The following ZC2HC1B variants were observed in gnomAD, a reference collection of about 807,000 sequenced individuals.
ZC2HC1B encodes the protein zinc finger C2HC-type containing 1B.
Under a neutral mutation model 31.0 loss-of-function variants are expected in ZC2HC1B, and 36 were observed. The observed-to-expected ratio is 1.16, with a 90% CI of 0.89 to 1.54. The LOEUF is 1.54. Ranked by LOEUF, ZC2HC1B falls within the 40% of genes most tolerant of loss-of-function variation. The pLI is 0.00. For missense variants in ZC2HC1B, 260 were observed against 268.6 expected (o/e 0.97, Z 0.22); for synonymous variants, 73 against 88.0 (o/e 0.83, Z 0.95).
At chr6:143,877,675 G>T in intron 1 of ZC2HC1B, among the ~76,000 whole-genome samples, 2 of 149,136 alleles carry the variant, frequency 1.3e-5, no homozygotes, top group East Asian at 1.9e-4. Flanking sequence ...TCAGATCTTT[G>T]GAAATTCCTG....
At position 143,922,148 on chromosome 6, in the gene ZC2HC1B, G is replaced by A. The variant is rs74353552; in HGVS notation, c.599-15501G>A. Among the ~76,000 whole-genome samples, 8,640 of 152,058 alleles carry A rather than the reference G, an allele frequency of 0.057. 336 individuals are homozygous for A. The highest frequency in any genetic ancestry group is 0.088 in the Non-Finnish European group (5,953 of 67,942). On this transcript the variant is annotated intron_variant, in intron 6 of 7. Coordinates refer to ENST00000237275, the MANE Select transcript of ZC2HC1B (RefSeq NM_001013623.3). The surrounding 1 kb of genome is among the most constrained non-coding windows in gnomAD (Gnocchi z 5.0). ...AATCTCACTTAGTGAGATTTCCTTC[G>A]TTCTGTTCTGATACTAGTCTACTTG...
intron 1 of ZC2HC1B, among the ~76,000 whole-genome samples, chr6:143,874,158 G>A (rs1777379511): frequency 6.6e-6 from 1 of 152,092 alleles, no homozygotes; most frequent in Non-Finnish European, 1.5e-5. Flanking sequence ...CTAGGGCGGG[G>A]CGAAATGCCA....
At chr6:143,878,908 A>G (rs1326731194) in intron 1 of ZC2HC1B, among the ~76,000 whole-genome samples, 1 of 152,164 alleles carries the variant, frequency 6.6e-6, no homozygotes, top group Non-Finnish European at 1.5e-5. Context: ...GACATGCCTT[A>G]TATTGACTAA....
intron 4 of ZC2HC1B, among the ~76,000 whole-genome samples, chr6:143,897,268 G>A (rs1421405397): frequency 6.6e-6 from 1 of 150,724 alleles, no homozygotes; most frequent in East Asian, 1.9e-4. Flanking sequence ...CACCCTTCCT[G>A]GGGTCGGGGC....
Position 143,922,810 on chromosome 6 carries a change from A to G in ZC2HC1B, c.599-14839A>G, listed in dbSNP as rs1295916269. ...GCTATTGTGAATAGTCCTGCCATAA[A>G]CAAGAGGATATGGGTATCCCTTTGA... On this transcript the variant is annotated intron_variant, in intron 6 of 7. Coordinates refer to ENST00000237275, the MANE Select transcript of ZC2HC1B (RefSeq NM_001013623.3). This position sits in a 1 kb window ranked among gnomAD's most constrained non-coding sequence, Gnocchi z 5.0. 6.6e-6 allele frequency among the ~76,000 whole-genome samples: 1 copy of G among 152,160 alleles called. No individual in the cohort carries two copies. Among genetic ancestry groups the G allele is most frequent in the Non-Finnish European group, 1.5e-5 (1 of 68,020 alleles).
chr6:143,901,304 G>A (rs1161592127), intron 5 of ZC2HC1B, among the ~76,000 whole-genome samples: 1 of 119,458 alleles, frequency 8.4e-6, no homozygotes, highest in Non-Finnish European at 1.6e-5. Context: ...CTGTTGCCCA[G>A]GCTGGAGTGC....
rs1392331139 is a variant in ZC2HC1B, at chr6:143,882,237, A to G, written c.29-2067A>G. 4.0e-5 allele frequency among the ~76,000 whole-genome samples: 6 copies of G among 150,626 alleles called. No individual in the cohort carries two copies. In the East Asian group the frequency reaches 9.8e-4, roughly 24 times the overall value. The stretch of plus-strand genomic sequence containing the variant: ...TCATAAAAATAGATTATCCTTCACT[A>G]GTGTTTTAGAAAGAGCAGCAGTAGT... On this transcript the variant is annotated intron_variant, in intron 1 of 7. Transcript: ENST00000237275.
At chr6:143,937,584 C>A in intron 6 of ZC2HC1B, 65 bp from the exon 7 acceptor site, 2 of 1,330,746 alleles carry the variant, frequency 1.5e-6, no homozygotes, top group Non-Finnish European at 2.0e-6. Flanking sequence ...ATTTCACAAT[C>A]ATGTCTTTTT....
intron 6 of ZC2HC1B, among the ~76,000 whole-genome samples, chr6:143,928,268 C>G (rs1053085762): frequency 1.3e-5 from 2 of 152,106 alleles, no homozygotes; most frequent in African/African-American, 4.8e-5. Flanking sequence ...ACATTTCAGT[C>G]TTTAACTCAT....
intron 6 of ZC2HC1B, among the ~76,000 whole-genome samples, chr6:143,932,661 TCA>T (rs1778133851): frequency 6.6e-6 from 1 of 152,236 alleles, no homozygotes; most frequent in African/African-American, 2.4e-5. Context: ...ATCTGGCAGT[TCA>T]GAGATTGCTT....
rs1341367223 is a variant in ZC2HC1B, at chr6:143,869,372, A to G, written c.28+4805A>G. 1.3e-5 allele frequency among the ~76,000 whole-genome samples: 2 copies of G among 152,218 alleles called. No individual in the cohort carries two copies. The highest frequency in any genetic ancestry group is 6.5e-5 in the Admixed American group (1 of 15,282). ...GTTGTAATTGTGACTTCAAAAGGCC[A>G]TCCCACCGTTATATCAATCCAACTG... On this transcript the variant is annotated intron_variant, in intron 1 of 7. Coordinates refer to ENST00000237275, the MANE Select transcript of ZC2HC1B (RefSeq NM_001013623.3). The surrounding 1 kb of genome is among the most constrained non-coding windows in gnomAD (Gnocchi z 5.2).
rs73000549 is a variant in ZC2HC1B at position 143,918,921 on chromosome 6, C to G, written c.598+15769C>G. On this transcript the variant is annotated intron_variant, in intron 6 of 7. Coordinates refer to ENST00000237275, the MANE Select transcript of ZC2HC1B (RefSeq NM_001013623.3). This position sits in a 1 kb window ranked among gnomAD's most constrained non-coding sequence, Gnocchi z 4.1. ...TTGGTTTCTTTTCAGGATTTATCTTCGTGGATATTTCCATTTTGTTCATAG... is the reference window on the plus strand; with the variant it reads ...TTGGTTTCTTTTCAGGATTTATCTTGGTGGATATTTCCATTTTGTTCATAG... 0.084 allele frequency among the ~76,000 whole-genome samples: 12,765 copies of G among 152,120 alleles called. 548 individuals carry two copies. The highest frequency in any genetic ancestry group is 0.13 in the Middle Eastern group (39 of 294).
intron 6 of ZC2HC1B, among the ~76,000 whole-genome samples, chr6:143,932,519 C>G (rs1179185417): frequency 1.3e-5 from 2 of 151,996 alleles, no homozygotes; most frequent in African/African-American, 4.8e-5. Context: ...ATTGTTTTTT[C>G]TTTATGATAT....
chr6:143,864,985 T>G (rs1196593581), intron 1 of ZC2HC1B, among the ~76,000 whole-genome samples: 1 of 152,212 alleles, frequency 6.6e-6, no homozygotes, highest in Non-Finnish European at 1.5e-5. Context: ...GTTACTCAAA[T>G]TCTGTGTTAT....
intron 5 of ZC2HC1B, among the ~76,000 whole-genome samples, chr6:143,900,883 G>A (rs1287935721): frequency 2.0e-5 from 3 of 152,162 alleles, no homozygotes; most frequent in Non-Finnish European, 4.4e-5. Context: ...CTGTTGCCCA[G>A]GCTTGAGTGC....
intron 6 of ZC2HC1B, among the ~76,000 whole-genome samples, chr6:143,927,313 C>T: frequency 6.6e-6 from 1 of 152,122 alleles, no homozygotes; most frequent in Non-Finnish European, 1.5e-5. Context: ...CACCTTCCCA[C>T]CTTTCCAAGT....
At chr6:143,897,551 G>A (rs1462128735) in intron 4 of ZC2HC1B, among the ~76,000 whole-genome samples, 7 of 151,494 alleles carry the variant, frequency 4.6e-5, no homozygotes, top group African/African-American at 1.7e-4. Flanking sequence ...GAGCTGCCTG[G>A]GCCATTGCAT....
In ZC2HC1B at chr6:143,872,650, G is replaced by A. The variant is rs1165440576; in HGVS notation, c.28+8083G>A. The stretch of plus-strand genomic sequence containing the variant: ...CTTACAGTTCCACATGGCTGGGGAG[G>A]CCTCAGAATCATGGCAGAAGGCAAA... On this transcript the variant is annotated intron_variant, in intron 1 of 7. Coordinates refer to ENST00000237275, the MANE Select transcript of ZC2HC1B (RefSeq NM_001013623.3). The surrounding 1 kb of genome is among the most constrained non-coding windows in gnomAD (Gnocchi z 5.5). Among the ~76,000 whole-genome samples, 1 of 152,166 alleles carries A rather than the reference G, an allele frequency of 6.6e-6. No individual in the cohort carries two copies. The highest frequency in any genetic ancestry group is 1.5e-5 in the Non-Finnish European group (1 of 68,042).
chr6:143,882,865 C>A (rs755726001), intron 1 of ZC2HC1B, among the ~76,000 whole-genome samples: 2 of 152,110 alleles, frequency 1.3e-5, no homozygotes, highest in Non-Finnish European at 2.9e-5. Flanking sequence ...CTGTTTCTAT[C>A]CCACACTCCC....
Sources: allele counts gnomAD v4.1 joint callset (sites outside exome capture counted in the v4.1 genomes callset), GRCh38; gene constraint gnomAD v4.1.1; non-coding constraint Gnocchi (gnomAD v3.1); transcripts MANE v1.5; gene names NCBI Gene and HGNC (gene_info 2026-07-23, HGNC 2026-07-21).